Variants in SOX5 observed in about 807,000 individuals in gnomAD.
SOX5 encodes the protein SRY-box transcription factor 5.
In SOX5, 9 loss-of-function variants were observed where a neutral mutation model predicts 92.0. The observed-to-expected ratio is 0.10, with a 90% CI of 0.06 to 0.17. The LOEUF is 0.17. SOX5 is among the 10% of genes least tolerant of loss of function. The pLI, the probability that SOX5 is intolerant of heterozygous loss-of-function variation, is 1.00. For missense variants in SOX5, 642 were observed against 944.5 expected (o/e 0.68, Z 4.20); for synonymous variants, 344 against 336.3 (o/e 1.02, Z -0.25).
At chr12:23,893,223 G>A (rs541842032) in intron 2 of SOX5, among the ~76,000 whole-genome samples, 97 of 152,174 alleles carry the variant, frequency 6.4e-4, no homozygotes, top group Non-Finnish European at 4.9e-4. Context: ...CGATGTGGGC[G>A]GATCACAAGG....
At chr12:24,434,874 C>T (rs770562558) in intron 1 of SOX5, among the ~76,000 whole-genome samples, 18 of 152,214 alleles carry the variant, frequency 1.2e-4, no homozygotes, top group Non-Finnish European at 2.6e-4. Flanking sequence ...ATAAATTACC[C>T]TGTCTTGGGT....
intron 1 of SOX5, among the ~76,000 whole-genome samples, chr12:24,490,007 G>A (rs1597248470): frequency 6.6e-6 from 1 of 152,192 alleles, no homozygotes; most frequent in Non-Finnish European, 1.5e-5. Context: ...GATACAGAAG[G>A]CAAAATCAGC....
intron 3 of SOX5, among the ~76,000 whole-genome samples, chr12:24,256,821 T>C (rs1941278536): frequency 6.6e-6 from 1 of 152,216 alleles, no homozygotes; most frequent in Non-Finnish European, 1.5e-5. Context: ...TACCCCGTTA[T>C]TGTCATCTGC....
At chr12:24,170,313 A>G (rs1953938168) in intron 4 of SOX5, among the ~76,000 whole-genome samples, 2 of 152,224 alleles carry the variant, frequency 1.3e-5, no homozygotes, top group Non-Finnish European at 2.9e-5. Context: ...TTTCTGCATT[A>G]GTCAGTGCAA....
chr12:24,272,365 T>G (rs2140334859), intron 3 of SOX5, among the ~76,000 whole-genome samples: 1 of 152,306 alleles, frequency 6.6e-6, no homozygotes, highest in East Asian at 1.9e-4. Flanking sequence ...TAACTTTATT[T>G]CCTTATCTTT....
chr12:24,318,175 C>T (rs1378304770), intron 2 of SOX5, among the ~76,000 whole-genome samples: 1 of 152,142 alleles, frequency 6.6e-6, no homozygotes, highest in East Asian at 1.9e-4. Flanking sequence ...TACCATTGCA[C>T]TCCAGCCTGG....
At chr12:23,812,482 C>T (rs892017863) in intron 3 of SOX5, among the ~76,000 whole-genome samples, 8 of 149,808 alleles carry the variant, frequency 5.3e-5, no homozygotes, top group Admixed American at 3.3e-4. Flanking sequence ...TTTTTTTTTC[C>T]GGAAAGAAAC....
chr12:23,901,421 T>TA (rs1278926866), intron 1 of SOX5, among the ~76,000 whole-genome samples: 1 of 152,222 alleles, frequency 6.6e-6, no homozygotes, highest in African/African-American at 2.4e-5. Context: ...ACAGCAGCAA[T>TA]AAAAAAGGTA....
At chr12:23,731,567 A>G (rs1018792201) in intron 6 of SOX5, among the ~76,000 whole-genome samples, 1 of 152,148 alleles carries the variant, frequency 6.6e-6, no homozygotes, top group African/African-American at 2.4e-5. Flanking sequence ...ATCTAAATTG[A>G]CTTCTCCTTT....
chr12:23,712,115 G>A (rs1013446579), intron 6 of SOX5, among the ~76,000 whole-genome samples: 2 of 152,124 alleles, frequency 1.3e-5, no homozygotes, highest in African/African-American at 4.8e-5. Flanking sequence ...TCTCACATGA[G>A]AACCATGTGA....
chr12:23,549,389 C>T (rs570866627), intron 11 of SOX5, among the ~76,000 whole-genome samples: 167 of 151,936 alleles, frequency 1.1e-3, no homozygotes, highest in Middle Eastern at 0.01. Context: ...ATAAAAATCA[C>T]GGCTCTGATA....
At chr12:24,134,855 G>A (rs1420239064) in intron 4 of SOX5, among the ~76,000 whole-genome samples, 1 of 152,108 alleles carries the variant, frequency 6.6e-6, no homozygotes, top group African/African-American at 2.4e-5. Context: ...CGTTCATAAT[G>A]ATTAGTTTCC....
chr12:24,457,198 T>G (rs1943114356), intron 1 of SOX5, among the ~76,000 whole-genome samples: 1 of 152,230 alleles, frequency 6.6e-6, no homozygotes, highest in Non-Finnish European at 1.5e-5. Context: ...GAATATCATC[T>G]TCTTAATAGA....
intron 2 of SOX5, among the ~76,000 whole-genome samples, chr12:24,325,298 G>A (rs1404776734): frequency 6.6e-6 from 1 of 152,162 alleles, no homozygotes; most frequent in Admixed American, 6.5e-5. Flanking sequence ...TATATCCATA[G>A]ATGAAAATTA....
intron 6 of SOX5, among the ~76,000 whole-genome samples, chr12:23,728,315 T>A (rs2093246922): frequency 1.3e-5 from 2 of 152,164 alleles, no homozygotes. Context: ...TTAATGCGTG[T>A]CTTTCTCAGG....
intron 1 of SOX5, among the ~76,000 whole-genome samples, chr12:24,387,067 A>G (rs761923289): frequency 6.6e-6 from 1 of 152,214 alleles, no homozygotes; most frequent in Non-Finnish European, 1.5e-5. Flanking sequence ...ACTGGTATAT[A>G]TTTAATGTAG....
At position 24,211,060 on chromosome 12, in the gene SOX5, G is replaced by A. The variant is rs531154745; in HGVS notation, c.-2+2283C>T. ...ATGAACACCACTCACCCTCCATAGC[G>A]TCATCTCTCACTTGTCTGCTCCTGT... On this transcript the variant is annotated intron_variant, in intron 4 of 4. Coordinates refer to the SOX5 transcript ENST00000446891. 4.7e-4 allele frequency among the ~76,000 whole-genome samples: 72 copies of A among 152,206 alleles called. No individual in the cohort carries two copies. The South Asian group carries it at 8.7e-3, about 18-fold the overall frequency.
intron 2 of SOX5, 107 bp downstream of exon 2, chr12:23,895,686 G>T: frequency 1.3e-6 from 1 of 744,304 alleles, no homozygotes; most frequent in Admixed American, 2.1e-5. Flanking sequence ...TTGTGCATGG[G>T]TTCTTAAGTA....
At chr12:24,535,025 C>T (rs917344769) in intron 1 of SOX5, among the ~76,000 whole-genome samples, 3 of 152,160 alleles carry the variant, frequency 2.0e-5, no homozygotes, top group Non-Finnish European at 2.9e-5. Context: ...ATCCCTTTAC[C>T]AGGTACAACA....
Sources: allele counts gnomAD v4.1 joint callset (sites outside exome capture counted in the v4.1 genomes callset), GRCh38; gene constraint gnomAD v4.1.1; transcripts MANE v1.5; gene names NCBI Gene and HGNC (gene_info 2026-07-23, HGNC 2026-07-21).